Variants in DYNLT2 observed in about 807,000 individuals in gnomAD.
DYNLT2 encodes dynein light chain Tctex-type 2, also known as dynein light chain Tctex-type protein 2.
A neutral mutation model predicts 24.3 loss-of-function variants in DYNLT2; 24 were observed. The observed-to-expected ratio is 0.99, with a 90% confidence interval of 0.71 to 1.39. The LOEUF (loss-of-function observed/expected upper bound fraction) is 1.39. DYNLT2 is among the 40% of genes most tolerant of loss of function. DYNLT2 has a pLI of 0.00. For missense variants in DYNLT2, 246 were observed against 234.5 expected (o/e 1.05, Z -0.32); for synonymous variants, 85 against 85.4 (o/e 1.00, Z 0.03).
At chr6:169,734,335 TGA>T in the DYNLT2 span, among the ~76,000 whole-genome samples, 1 of 152,236 alleles carries the variant, frequency 6.6e-6, no homozygotes, top group Non-Finnish European at 1.5e-5. Context: ...ATAGAAGTGG[TGA>T]GAGAGGGCAT....
intron 1 of DYNLT2, chr6:169,750,156 G>C (rs1368832510): frequency 2.0e-5 from 3 of 152,224 alleles, no homozygotes; most frequent in East Asian, 3.9e-4. Context: ...TTGAGTTCAG[G>C]CTCATTGAAT....
At position 169,744,087 on chromosome 6, in the gene DYNLT2, T is replaced by C; in HGVS notation, c.308A>G (p.Lys103Arg). 1 of 1,612,482 alleles carries C rather than the reference T, an allele frequency of 6.2e-7. No homozygotes were observed. The highest frequency in any genetic ancestry group is 1.1e-5 in the South Asian group (1 of 91,066). The change falls in exon 2 of 4, where the codon AAA (lysine) becomes AGA (arginine). Residue 103 changes from lysine (K) to arginine (R), a missense_variant. Physicochemically the swap from Lys to Arg is conservative, Grantham distance 26 (BLOSUM62 2). Transcript: ENST00000366774. ...KKFQAHSVET[K>R]VQQILTESLK... ...ACCTACTGTTAGTATCTGCTGGACT[T>C]TAGTTTCTACTGAATGAGCTTGGAA...
At chr6:169,741,288 T>A (rs1045921436) in intron 3 of DYNLT2, among the ~76,000 whole-genome samples, 1 of 152,182 alleles carries the variant, frequency 6.6e-6, no homozygotes, top group African/African-American at 2.4e-5. Context: ...AACACTATGC[T>A]GAGACCCCCA....
intron 1 of DYNLT2, among the ~76,000 whole-genome samples, chr6:169,745,270 G>C (rs1314711526): frequency 6.6e-6 from 1 of 151,670 alleles, no homozygotes; most frequent in Non-Finnish European, 1.5e-5. Flanking sequence ...TTTTTTTGTT[G>C]TTGTTGTATT....
intron 1 of DYNLT2, chr6:169,749,419 A>G (rs1279148341): frequency 2.0e-5 from 3 of 152,248 alleles, no homozygotes; most frequent in African/African-American, 4.8e-5. Flanking sequence ...ATTTCAATGC[A>G]TGTGCACAAG....
downstream of DYNLT2, among the ~76,000 whole-genome samples, chr6:169,737,702 T>C (rs565348438): frequency 2.6e-5 from 4 of 152,292 alleles, no homozygotes; most frequent in Admixed American, 2.6e-4. Context: ...CTGGGACCTC[T>C]GACCTTGAGG....
chr6:169,746,649 T>C (rs1789806576), intron 1 of DYNLT2, among the ~76,000 whole-genome samples: 2 of 152,130 alleles, frequency 1.3e-5, no homozygotes, highest in Non-Finnish European at 2.9e-5. Context: ...CTGGTTCTGC[T>C]GCTCACTCTG....
intron 2 of DYNLT2, 95 bp downstream of exon 2, chr6:169,743,973 G>A: frequency 4.1e-6 from 5 of 1,214,620 alleles, no homozygotes; most frequent in Non-Finnish European, 5.8e-6. Flanking sequence ...AATTGTATGA[G>A]CCAATTCCTG....
the DYNLT2 span, chr6:169,725,790 A>T: frequency 2.6e-5 from 4 of 152,968 alleles, no homozygotes; most frequent in Non-Finnish European, 4.4e-5. Context: ...ATTGCCTGAT[A>T]TAAAGAATTA....
intron 3 of DYNLT2, among the ~76,000 whole-genome samples, chr6:169,742,265 A>G (rs1002550482): frequency 6.6e-6 from 1 of 152,164 alleles, no homozygotes; most frequent in Non-Finnish European, 1.5e-5. Context: ...TATCATCACC[A>G]TTTTATAGAT....
chr6:169,736,584 G>T (rs900728412), downstream of DYNLT2, among the ~76,000 whole-genome samples: 2 of 151,176 alleles, frequency 1.3e-5, no homozygotes, highest in African/African-American at 4.9e-5. Context: ...GCTTAGTTTG[G>T]CTGGATATGA....
chr6:169,746,641 G>T (rs945507343), intron 1 of DYNLT2, among the ~76,000 whole-genome samples: 1 of 151,994 alleles, frequency 6.6e-6, no homozygotes, highest in African/African-American at 2.4e-5. Flanking sequence ...TGCCATGTCT[G>T]GTTCTGCTGC....
intron 1 of DYNLT2, among the ~76,000 whole-genome samples, chr6:169,748,675 T>A (rs1172021239): frequency 6.6e-6 from 1 of 152,164 alleles, no homozygotes; most frequent in Non-Finnish European, 1.5e-5. Context: ...TCTAAGGCAG[T>A]GATTGGGACC....
intron 1 of DYNLT2, among the ~76,000 whole-genome samples, chr6:169,749,289 CG>C (rs1446930334): frequency 6.6e-6 from 1 of 151,954 alleles, no homozygotes; most frequent in Non-Finnish European, 1.5e-5. Flanking sequence ...TTAGTAGAGA[CG>C]GGGTTTTGGC....
chr6:169,741,976 A>G (rs947547556), intron 3 of DYNLT2, among the ~76,000 whole-genome samples: 5 of 152,100 alleles, frequency 3.3e-5, no homozygotes, highest in Non-Finnish European at 7.4e-5. Flanking sequence ...CTGCCAGTCC[A>G]GGTCCCCCTC....
the DYNLT2 span, among the ~76,000 whole-genome samples, chr6:169,728,727 T>C: frequency 6.6e-6 from 1 of 152,192 alleles, no homozygotes; most frequent in Non-Finnish European, 1.5e-5. Context: ...GGAGAATCAG[T>C]CTTTATTCTT....
chr6:169,736,943 G>A (rs1383519563), downstream of DYNLT2, among the ~76,000 whole-genome samples: 1 of 152,082 alleles, frequency 6.6e-6, no homozygotes, highest in African/African-American at 2.4e-5. Flanking sequence ...ATCTCCTTCT[G>A]CTACTCCAAT....
At chr6:169,747,479 C>T (rs1235511367) in intron 1 of DYNLT2, among the ~76,000 whole-genome samples, 7 of 152,078 alleles carry the variant, frequency 4.6e-5, no homozygotes, top group Admixed American at 2.6e-4. Flanking sequence ...TCATTGACAT[C>T]GTGTAATATT....
Position 169,740,132 on chromosome 6 carries a change from T to C in DYNLT2, c.*53A>G. On this transcript the variant is annotated 3_prime_UTR_variant, in exon 4 of 4. Transcript: ENST00000366774. The stretch of plus-strand genomic sequence containing the variant: ...TATGAGGTTTACAAATATGTAAATT[T>C]CATTTATTTTTGAAAAGTTCGGAAG... 1 of 1,165,668 alleles carries C rather than the reference T, an allele frequency of 8.6e-7. No homozygotes were observed. The highest frequency in any genetic ancestry group is 1.3e-6 in the Non-Finnish European group (1 of 782,332). The allele number at this position is 1,165,668 out of a possible 1,614,324, so 72.2% of individuals were successfully genotyped here. A position where few individuals can be genotyped will look rare whatever the true frequency, so the allele number is the denominator to read the frequency against.
Sources: gnomAD v4.1 joint callset for allele counts (sites outside exome capture counted in the v4.1 genomes callset) on GRCh38, gnomAD v4.1.1 for gene constraint, MANE v1.5 for transcripts, NCBI Gene and HGNC (gene_info 2026-07-23, HGNC 2026-07-21) for gene names.